CDH18: variants seen among roughly 807,000 people sequenced by gnomAD.
CDH18 encodes cadherin-18.
A neutral mutation model predicts 67.9 loss-of-function variants in CDH18; 31 were observed. That is an observed-to-expected ratio of 0.46 (90% CI 0.34 to 0.62). The LOEUF is 0.62. CDH18 is among the 20% of genes least tolerant of loss of function. The probability of loss-of-function intolerance (pLI) is 0.01; values close to 1 mark genes in which losing one functional copy is unlikely to be tolerated. For missense variants in CDH18, 890 were observed against 975.5 expected (o/e 0.91, Z 1.17); for synonymous variants, 362 against 347.2 (o/e 1.04, Z -0.48).
At chr5:19,687,308 C>T (rs1005752531) in intron 5 of CDH18, among the ~76,000 whole-genome samples, 1 of 152,164 alleles carries the variant, frequency 6.6e-6, no homozygotes, top group Admixed American at 6.6e-5. Context: ...AGACCAGCCT[C>T]CATCAGAATG....
chr5:19,756,948 C>T (rs940859209), intron 3 of CDH18, among the ~76,000 whole-genome samples: 5 of 152,282 alleles, frequency 3.3e-5, no homozygotes, highest in Admixed American at 3.3e-4. Context: ...GCATACCCAG[C>T]CTTCTGGATA....
chr5:20,472,808 T>A (rs1195272999), intron 1 of CDH18, among the ~76,000 whole-genome samples: 1 of 152,234 alleles, frequency 6.6e-6, no homozygotes, highest in Non-Finnish European at 1.5e-5. Flanking sequence ...ATCATCACAA[T>A]GCCAGATCTT....
chr5:20,132,693 A>T (rs981949842), intron 2 of CDH18, among the ~76,000 whole-genome samples: 1 of 152,144 alleles, frequency 6.6e-6, no homozygotes, highest in Non-Finnish European at 1.5e-5. Flanking sequence ...ATTTAAGTCA[A>T]CTTTCAAATA....
At chr5:20,538,241 C>T (rs1191748242) in intron 1 of CDH18, among the ~76,000 whole-genome samples, 1 of 152,232 alleles carries the variant, frequency 6.6e-6, no homozygotes, top group South Asian at 2.1e-4. Context: ...AAGGGGGATG[C>T]AGACGTGGGC....
chr5:19,756,887 T>A (rs1245525135), intron 3 of CDH18, among the ~76,000 whole-genome samples: 1 of 152,206 alleles, frequency 6.6e-6, no homozygotes, highest in Non-Finnish European at 1.5e-5. Flanking sequence ...CCCGGATCCA[T>A]GAATCTTCGC....
intron 1 of CDH18, among the ~76,000 whole-genome samples, chr5:20,299,526 C>T (rs1274414648): frequency 6.6e-6 from 1 of 151,588 alleles, no homozygotes; most frequent in Non-Finnish European, 1.5e-5. Flanking sequence ...TTTGGGAGCC[C>T]GATGCAGGCA....
intron 1 of CDH18, among the ~76,000 whole-genome samples, chr5:20,323,679 G>A (rs1738256562): frequency 6.6e-6 from 1 of 152,120 alleles, no homozygotes; most frequent in Admixed American, 6.5e-5. Context: ...AGTAAAAATT[G>A]TGGCACTAAA....
At chr5:19,830,256 T>C (rs1187322480) in intron 3 of CDH18, among the ~76,000 whole-genome samples, 1 of 152,220 alleles carries the variant, frequency 6.6e-6, no homozygotes, top group East Asian at 1.9e-4. Context: ...ACAGACAACT[T>C]ATGCAATGGG....
intron 1 of CDH18, among the ~76,000 whole-genome samples, chr5:20,571,650 T>C (rs571963373): frequency 1.4e-3 from 209 of 152,218 alleles, no homozygotes; most frequent in African/African-American, 4.5e-3. Flanking sequence ...TAACTCTATA[T>C]ATTTACTCTG....
At chr5:19,932,505 AG>A (rs1347249923) in intron 2 of CDH18, among the ~76,000 whole-genome samples, 4 of 151,514 alleles carry the variant, frequency 2.6e-5, no homozygotes, top group African/African-American at 9.7e-5. Flanking sequence ...TCTCTGCAAC[AG>A]TACAATGGTC....
At chr5:20,404,147 T>C (rs1257795260) in intron 1 of CDH18, among the ~76,000 whole-genome samples, 7 of 152,196 alleles carry the variant, frequency 4.6e-5, no homozygotes, top group African/African-American at 1.7e-4. Context: ...TTGAAGAGCG[T>C]TTAAATCCTT....
At chr5:20,500,632 C>T (rs138975717) in intron 1 of CDH18, among the ~76,000 whole-genome samples, 218 of 152,226 alleles carry the variant, frequency 1.4e-3, no homozygotes, top group African/African-American at 4.6e-3. Context: ...AGTAAGTATG[C>T]TGTAAATGGA....
intron 1 of CDH18, among the ~76,000 whole-genome samples, chr5:20,538,963 A>C (rs1756897138): frequency 7.7e-6 from 1 of 129,638 alleles, no homozygotes; most frequent in Middle Eastern, 5.5e-3. Flanking sequence ...ATCTCAGCTC[A>C]CTGCAACATC....
chr5:20,255,262 T>C (rs1051413743), intron 2 of CDH18, among the ~76,000 whole-genome samples: 2 of 151,970 alleles, frequency 1.3e-5, no homozygotes, highest in African/African-American at 4.8e-5. Context: ...TCTTAAAGAG[T>C]GATTTTAAAA....
At chr5:19,702,495 G>T (rs560188504) in intron 5 of CDH18, among the ~76,000 whole-genome samples, 1 of 151,710 alleles carries the variant, frequency 6.6e-6, no homozygotes, top group South Asian at 2.1e-4. Flanking sequence ...GCCGGGCGTG[G>T]TGGCTCACAC....
intron 9 of CDH18, among the ~76,000 whole-genome samples, chr5:19,534,476 G>T (rs1265514653): frequency 6.6e-6 from 1 of 152,028 alleles, no homozygotes; most frequent in Non-Finnish European, 1.5e-5. Context: ...AAGGAAAAAG[G>T]TGACGTTAAA....
intron 2 of CDH18, among the ~76,000 whole-genome samples, chr5:20,141,250 A>G (rs1328516754): frequency 6.6e-6 from 1 of 152,198 alleles, no homozygotes; most frequent in African/African-American, 2.4e-5. Flanking sequence ...ATCTTGATAA[A>G]TCAGCCAATT....
chr5:19,645,624 T>C (rs928908494), intron 5 of CDH18, among the ~76,000 whole-genome samples: 1 of 152,158 alleles, frequency 6.6e-6, no homozygotes, highest in East Asian at 1.9e-4. Flanking sequence ...ATTTTTGAGC[T>C]TTGGTCAGCT....
At chr5:19,707,040 A>G (rs1764056631) in intron 5 of CDH18, among the ~76,000 whole-genome samples, 1 of 152,166 alleles carries the variant, frequency 6.6e-6, no homozygotes, top group Non-Finnish European at 1.5e-5. Context: ...AGGTAAAATA[A>G]TAACTTGGGG....
Sources: allele counts gnomAD v4.1 joint callset (sites outside exome capture counted in the v4.1 genomes callset), GRCh38; gene constraint gnomAD v4.1.1; transcripts MANE v1.5; gene names NCBI Gene and HGNC (gene_info 2026-07-23, HGNC 2026-07-21).